Variants in TWIST2 observed in about 807,000 individuals in gnomAD.
The protein encoded by TWIST2 is twist-related protein 2.
In TWIST2, 1 loss-of-function variant was observed where a neutral mutation model predicts 11.6. The ratio of observed to expected loss-of-function variants is 0.09; its 90% CI spans 0.03 to 0.41. The LOEUF (loss-of-function observed/expected upper bound fraction) is 0.41, where lower values mean the gene tolerates loss of function less well. Ranked by LOEUF, TWIST2 falls within the 10% of genes least tolerant of loss-of-function variation. The pLI is 0.98. For missense variants in TWIST2, 168 were observed against 226.4 expected, an observed-to-expected ratio of 0.74 and a Z score of 1.66; for synonymous variants, 87 against 96.6, an observed-to-expected ratio of 0.90 and a Z score of 0.58.
Position 238,866,781 on chromosome 2 carries a change from C to G in TWIST2, c.*35+18048C>G, listed in dbSNP as rs1692545262. Among the ~76,000 whole-genome samples, 1 of 152,186 alleles carries G rather than the reference C, an allele frequency of 6.6e-6. No homozygotes were observed. Among genetic ancestry groups the G allele is most frequent in the South Asian group, 2.1e-4 (1 of 4,830 alleles). On this transcript the variant is annotated intron_variant, in intron 1 of 1. Transcript: ENST00000612363. This position sits in a 1 kb window ranked among gnomAD's most constrained non-coding sequence, Gnocchi z 4.9. The stretch of plus-strand genomic sequence containing the variant: ...TGTCCCCTCCTTGGGGAGCCTCTAA[C>G]CACCCTGCTGGCATTTGTGGTGACT...
chr2:238,886,256 T>C (rs372240135), intron 1 of TWIST2, among the ~76,000 whole-genome samples: 5 of 152,268 alleles, frequency 3.3e-5, no homozygotes, highest in Admixed American at 6.5e-5. Flanking sequence ...CATTATCTTC[T>C]GAAGCACCAA....
chr2:238,869,191 G>C (rs1027009625), intron 1 of TWIST2, among the ~76,000 whole-genome samples: 2 of 152,212 alleles, frequency 1.3e-5, no homozygotes. Context: ...GTCCAAGTGC[G>C]GTGAGGAGTA....
intron 1 of TWIST2, among the ~76,000 whole-genome samples, chr2:238,889,449 A>G (rs1693095112): frequency 6.6e-6 from 1 of 152,186 alleles, no homozygotes; most frequent in Non-Finnish European, 1.5e-5. Flanking sequence ...ATATGTGTAT[A>G]CCAGATATAT....
At chr2:238,905,131 C>T (rs1448551889) in intron 1 of TWIST2, among the ~76,000 whole-genome samples, 1 of 152,122 alleles carries the variant, frequency 6.6e-6, no homozygotes, top group East Asian at 1.9e-4. Flanking sequence ...CACCCTGCCT[C>T]CCTAGCCTTT....
intron 1 of TWIST2, among the ~76,000 whole-genome samples, chr2:238,853,733 T>C (rs1692284719): frequency 6.6e-6 from 1 of 152,190 alleles, no homozygotes; most frequent in South Asian, 2.1e-4. Flanking sequence ...GACTTGGATC[T>C]GAAATTGGAA....
At chr2:238,860,976 C>T (rs980763680) in intron 1 of TWIST2, among the ~76,000 whole-genome samples, 1 of 152,172 alleles carries the variant, frequency 6.6e-6, no homozygotes, top group African/African-American at 2.4e-5. Context: ...CTGTGTGATG[C>T]TGCTGTTCCC....
At position 238,891,761 on chromosome 2, in the gene TWIST2, C is replaced by T. The variant is rs1210720608; in HGVS notation, c.*36-18081C>T. Among the ~76,000 whole-genome samples, 6 of 152,308 alleles carry T rather than the reference C, an allele frequency of 3.9e-5. No individual in the cohort carries two copies. In the East Asian group the frequency reaches 1.2e-3, roughly 29 times the overall value. ...GGCAGAGGCGTGCACATTTTCCAGG[C>T]TTGAGTCCAAAAACCCCGCTATTCT... On this transcript the variant is annotated intron_variant, in intron 1 of 1. Coordinates refer to ENST00000612363, the MANE Select transcript of TWIST2 (RefSeq NM_001271893.4).
At chr2:238,871,851 CAT>C (rs1296153833) in intron 1 of TWIST2, among the ~76,000 whole-genome samples, 1 of 152,106 alleles carries the variant, frequency 6.6e-6, no homozygotes, top group East Asian at 1.9e-4. Context: ...CAGCCGGATT[CAT>C]AGAGACGGAA....
intron 1 of TWIST2, among the ~76,000 whole-genome samples, chr2:238,883,047 T>C (rs1419704139): frequency 6.6e-6 from 1 of 152,224 alleles, no homozygotes; most frequent in Non-Finnish European, 1.5e-5. Flanking sequence ...GTTTCTTCTG[T>C]GATTCCTTCT....
intron 1 of TWIST2, among the ~76,000 whole-genome samples, chr2:238,890,451 G>A (rs931062921): frequency 2.6e-5 from 4 of 152,166 alleles, no homozygotes; most frequent in East Asian, 1.9e-4. Flanking sequence ...AAGAGGGAAC[G>A]CATTCTAAAG....
In TWIST2 at chr2:238,884,944, G is replaced by A. The variant is rs79001764; in HGVS notation, c.*36-24898G>A. On this transcript the variant is annotated intron_variant, in intron 1 of 1. Coordinates refer to ENST00000612363, the MANE Select transcript of TWIST2 (RefSeq NM_001271893.4). ...CTCCCCTGAGTGGTGTGGGTAAGGG[G>A]CAGAGCAGGCCAGGGGCATCAGTGG... Among the ~76,000 whole-genome samples, 535 of 152,322 alleles carry A rather than the reference G, an allele frequency of 3.5e-3. 2 individuals carry two copies. The highest frequency in any genetic ancestry group is 0.012 in the African/African-American group (501 of 41,560).
At chr2:238,909,066 A>G (rs1693408601) in intron 1 of TWIST2, among the ~76,000 whole-genome samples, 1 of 145,030 alleles carries the variant, frequency 6.9e-6, no homozygotes, top group Non-Finnish European at 1.5e-5. Context: ...TGTGGTGTGT[A>G]TGTAGTGTGG....
chr2:238,867,509 G>A lies in TWIST2; in HGVS notation c.*35+18776G>A, dbSNP rs1692565521. Among the ~76,000 whole-genome samples, 1 of 152,102 alleles carries A rather than the reference G, an allele frequency of 6.6e-6. No homozygotes were observed. Among genetic ancestry groups the A allele is most frequent in the Non-Finnish European group, 1.5e-5 (1 of 68,030 alleles). On this transcript the variant is annotated intron_variant, in intron 1 of 1. Coordinates refer to ENST00000612363, the MANE Select transcript of TWIST2 (RefSeq NM_001271893.4). This position sits in a 1 kb window ranked among gnomAD's most constrained non-coding sequence, Gnocchi z 4.8. The stretch of plus-strand genomic sequence containing the variant: ...AGTCCCAGCCAGCTCCCGGGGTGGT[G>A]TGGGCTGAGGAAGAGGCTGGGAGGA...
intron 1 of TWIST2, among the ~76,000 whole-genome samples, chr2:238,853,283 A>G (rs932649634): frequency 6.6e-6 from 1 of 152,170 alleles, no homozygotes; most frequent in African/African-American, 2.4e-5. Context: ...TCTAAAGCCA[A>G]TGATTTATAA....
chr2:238,905,878 TGCATGTGCGCGCATGCGCGTGTGTGC>T (rs1270204826), intron 1 of TWIST2, among the ~76,000 whole-genome samples: 1 of 147,234 alleles, frequency 6.8e-6, no homozygotes, highest in Admixed American at 6.8e-5. Flanking sequence ...TGCGTGTGTG[TGCATGTGCGCGCATGCGCGTGTGTGC>T]GTGTGTGTGC....
In TWIST2 at chr2:238,853,235, A is replaced by G. The variant is rs1362489153; in HGVS notation, c.*35+4502A>G. On this transcript the variant is annotated intron_variant, in intron 1 of 1. Coordinates refer to ENST00000612363, the MANE Select transcript of TWIST2 (RefSeq NM_001271893.4). ...TGTTATATTTGCTTTTTAAGATACTAATTTTATATTAACTTTCATTAAGCA... is the reference window on the plus strand; with the variant it reads ...TGTTATATTTGCTTTTTAAGATACTGATTTTATATTAACTTTCATTAAGCA... Among the ~76,000 whole-genome samples the G allele has an allele frequency of 3.3e-5, 5 of 152,336 alleles. No individual in the cohort carries two copies. In the East Asian group the frequency reaches 5.8e-4, roughly 18 times the overall value.
chr2:238,891,633 C>T (rs1190367924), intron 1 of TWIST2, among the ~76,000 whole-genome samples: 1 of 152,096 alleles, frequency 6.6e-6, no homozygotes, highest in African/African-American at 2.4e-5. Flanking sequence ...AGGCCGAGGT[C>T]CTGAAAGGCA....
chr2:238,891,071 C>G (rs1693123903), intron 1 of TWIST2, among the ~76,000 whole-genome samples: 1 of 152,248 alleles, frequency 6.6e-6, no homozygotes, highest in Admixed American at 6.5e-5. Context: ...TCACTCACCA[C>G]TTTTAGACGG....
At chr2:238,891,910 G>C (rs959892364) in intron 1 of TWIST2, among the ~76,000 whole-genome samples, 5 of 152,196 alleles carry the variant, frequency 3.3e-5, no homozygotes, top group African/African-American at 9.7e-5. Flanking sequence ...GGAAGATTGG[G>C]CTATGTAGGA....
Sources: allele counts gnomAD v4.1 joint callset (sites outside exome capture counted in the v4.1 genomes callset), GRCh38; gene constraint gnomAD v4.1.1; non-coding constraint Gnocchi (gnomAD v3.1); transcripts MANE v1.5; gene names NCBI Gene and HGNC (gene_info 2026-07-23, HGNC 2026-07-21).